ARHGEF10L: variants seen among roughly 807,000 people sequenced by gnomAD.
The protein encoded by ARHGEF10L is rho guanine nucleotide exchange factor 10-like protein.
Under a neutral mutation model 141.2 loss-of-function variants are expected in ARHGEF10L, and 69 were observed. The observed-to-expected ratio is 0.49, with a 90% confidence interval of 0.40 to 0.60. The LOEUF (loss-of-function observed/expected upper bound fraction) is 0.60, where lower values mean the gene tolerates loss of function less well. Ranked by LOEUF, ARHGEF10L falls within the 20% of genes least tolerant of loss-of-function variation. The probability of loss-of-function intolerance (pLI) is 0.00; values close to 1 mark genes in which losing one functional copy is unlikely to be tolerated. For missense variants in ARHGEF10L, 1,482 were observed against 1,734.3 expected, an observed-to-expected ratio of 0.85 and a Z score of 2.58; for synonymous variants, 711 against 718.5, an observed-to-expected ratio of 0.99 and a Z score of 0.17.
chr1:17,622,920 G>T, intron 11 of ARHGEF10L, 76 bp from the exon 12 acceptor site: 5 of 1,491,392 alleles, frequency 3.4e-6, no homozygotes, highest in Non-Finnish European at 3.6e-6. Context: ...TTCATGGCTG[G>T]CCGAGTTCTG....
chr1:17,638,480 GCTGTGATTC>G, intron 19 of ARHGEF10L, 73 bp from the exon 20 acceptor site: 1 of 1,576,600 alleles, frequency 6.3e-7, no homozygotes, highest in Non-Finnish European at 8.7e-7. Context: ...CCTCTGGGGT[GCTGTGATTC>G]CTATAGGATC....
At chr1:17,528,752 G>A in the ARHGEF10L span, among the ~76,000 whole-genome samples, 2 of 152,316 alleles carry the variant, frequency 1.3e-5, no homozygotes, top group East Asian at 3.9e-4. Context: ...TAATAGTATA[G>A]CAGGGGTAAC....
the ARHGEF10L span, among the ~76,000 whole-genome samples, chr1:17,513,870 A>G: frequency 2.0e-5 from 3 of 151,904 alleles, no homozygotes; most frequent in Non-Finnish European, 4.4e-5. Flanking sequence ...GTGCAATGAC[A>G]CAATCTTGGC....
In ARHGEF10L at chr1:17,558,312, C is replaced by T. The variant is rs1244117092; in HGVS notation, c.-44+18362C>T. On this transcript the variant is annotated intron_variant, in intron 1 of 28. Transcript: ENST00000361221. This position sits in a 1 kb window ranked among gnomAD's most constrained non-coding sequence, Gnocchi z 4.2. ...GCCCATTTATTCACCCACTCATCCA[C>T]CCATCATCTCTTGAATCTCTTCGGC... Among the ~76,000 whole-genome samples, 1 of 152,216 alleles carries T rather than the reference C, an allele frequency of 6.6e-6. No homozygotes were observed. Among genetic ancestry groups the T allele is most frequent in the Admixed American group, 6.5e-5 (1 of 15,276 alleles).
chr1:17,556,299 G>GGGCCTGGGAGCAC (rs2100777803), intron 1 of ARHGEF10L, among the ~76,000 whole-genome samples: 1 of 130,710 alleles, frequency 7.7e-6, no homozygotes, highest in African/African-American at 2.9e-5. Flanking sequence ...AGCACAGGGC[G>GGGCCTGGGAGCAC]GGCCTGGGAG....
At chr1:17,590,664 CTG>C (rs1382757479) in intron 4 of ARHGEF10L, among the ~76,000 whole-genome samples, 1 of 152,098 alleles carries the variant, frequency 6.6e-6, no homozygotes, top group Non-Finnish European at 1.5e-5. Context: ...CAAGGAGGGT[CTG>C]TGTTCCATGG....
In ARHGEF10L at chr1:17,656,844, C is replaced by A. The variant is rs1347973237; in HGVS notation, c.2860+136C>A. On this transcript the variant is annotated intron_variant, in intron 25 of 28. Coordinates refer to ENST00000361221, the MANE Select transcript of ARHGEF10L (RefSeq NM_018125.4). The surrounding 1 kb of genome is among the most constrained non-coding windows in gnomAD (Gnocchi z 4.9). ...CTCAGTGCTGAGGGCATTTGGAGAT[C>A]CGTGAGCCCCGCTGGGGTTCAATGG... 2.6e-6 allele frequency: 3 copies of A among 1,132,922 alleles called. No homozygotes were observed. The highest frequency in any genetic ancestry group is 2.6e-5 in the East Asian group (1 of 38,278). The allele number at this position is 1,132,922 out of a possible 1,614,324, so 70.2% of individuals were successfully genotyped here. A position where few individuals can be genotyped will look rare whatever the true frequency, so the allele number is the denominator to read the frequency against.
At chr1:17,532,436 G>A in the ARHGEF10L span, among the ~76,000 whole-genome samples, 37 of 152,284 alleles carry the variant, frequency 2.4e-4, no homozygotes, top group South Asian at 3.1e-3. Context: ...GTTATCCCTA[G>A]AGGAGGCTGC....
At position 17,638,575 on chromosome 1, in the gene ARHGEF10L, C is replaced by G; in HGVS notation, c.2057C>G (p.Thr686Ser). 1 of 1,614,206 alleles carries G rather than the reference C, an allele frequency of 6.2e-7. No individual in the cohort carries two copies. Among genetic ancestry groups the G allele is most frequent in the South Asian group, 1.1e-5 (1 of 91,090 alleles). Residue 686 changes from threonine to serine, a missense_variant, in exon 20 of 29, where the codon ACT becomes AGT. Physicochemically the swap from Thr to Ser is moderately conservative, Grantham distance 58 (BLOSUM62 1). Around this residue, in one of 3 missense-constraint regions of ARHGEF10L, gnomAD observed 858 missense variants for 966.3 expected, o/e 0.89. Coordinates refer to ENST00000361221, the MANE Select transcript of ARHGEF10L (RefSeq NM_018125.4). ...CCTGAACCCTAGAACCTGAACATGACTGTGGCTCAAGACTGGTGCCTGGCC... is the reference window on the plus strand; with the variant it reads ...CCTGAACCCTAGAACCTGAACATGAGTGTGGCTCAAGACTGGTGCCTGGCC... ...LHGTYQNLNM[T>S]VAQDWCLALQ... is the part of the protein sequence containing the mutation.
rs181800976 is a variant in ARHGEF10L at position 17,678,904 on chromosome 1, G to A, written c.3010-8669G>A. Among the ~76,000 whole-genome samples the A allele has an allele frequency of 3.9e-5, 6 of 152,228 alleles. No individual in the cohort carries two copies. The East Asian group carries it at 7.7e-4, about 20-fold the overall frequency. On this transcript the variant is annotated intron_variant, in intron 26 of 28. Transcript: ENST00000361221. ...TACTGTAGGAATTGTTAACTTTTTCGGAGGTAGGCAAGGGTGATTTATAGA... is the reference window on the plus strand; with the variant it reads ...TACTGTAGGAATTGTTAACTTTTTCAGAGGTAGGCAAGGGTGATTTATAGA...
At chr1:17,597,579 C>T (rs867920089) in intron 4 of ARHGEF10L, among the ~76,000 whole-genome samples, 2 of 152,330 alleles carry the variant, frequency 1.3e-5, no homozygotes, top group East Asian at 1.9e-4. Context: ...CCCATCTCAT[C>T]GGCCCGAGGA....
At chr1:17,652,302 C>T (rs1460937189) in intron 22 of ARHGEF10L, among the ~76,000 whole-genome samples, 1 of 152,162 alleles carries the variant, frequency 6.6e-6, no homozygotes, top group Non-Finnish European at 1.5e-5. Context: ...CGCTGGGCCA[C>T]ACCAAGGCCT....
chr1:17,689,196 G>A (rs2064863011), intron 27 of ARHGEF10L, among the ~76,000 whole-genome samples: 1 of 152,054 alleles, frequency 6.6e-6, no homozygotes, highest in Non-Finnish European at 1.5e-5. Flanking sequence ...GAGAAAGAGA[G>A]TTGGCTTGAG....
intron 1 of ARHGEF10L, among the ~76,000 whole-genome samples, chr1:17,557,022 A>G (rs1270909416): frequency 6.8e-6 from 1 of 146,960 alleles, no homozygotes; most frequent in Non-Finnish European, 1.5e-5. Context: ...ACATAGCAAG[A>G]CTCCATCTCT....
intron 1 of ARHGEF10L, among the ~76,000 whole-genome samples, chr1:17,567,400 T>C (rs543720151): frequency 3.3e-5 from 5 of 152,310 alleles, no homozygotes; most frequent in Admixed American, 3.3e-4. Context: ...GTAGTCTCAC[T>C]CTGTCGCCCA....
intron 1 of ARHGEF10L, among the ~76,000 whole-genome samples, chr1:17,554,583 CTTTTTTTTTT>C (rs970778480): frequency 2.5e-5 from 3 of 122,316 alleles, no homozygotes; most frequent in South Asian, 2.5e-4. Context: ...TCCTTCCTTC[CTTTTTTTTTT>C]TTTTTTTTTT....
rs575218661 is a variant in ARHGEF10L at position 17,612,928 on chromosome 1, G to A, written c.610-130G>A. 67 of 652,404 alleles carry A rather than the reference G, an allele frequency of 1.0e-4. No individual in the cohort carries two copies. In the Admixed American group the frequency reaches 1.3e-3, roughly 12 times the overall value. The allele number at this position is 652,404 out of a possible 1,614,324, so 40.4% of individuals were successfully genotyped here. On this transcript the variant is annotated intron_variant, in intron 7 of 28. Transcript: ENST00000361221. ...CCTGGGACCTGGGGTGCCGCATCCC[G>A]CCTGCCCGAGCTGTCCGTCCGCACT...
At position 17,635,111 on chromosome 1, in the gene ARHGEF10L, G is replaced by A. The variant is rs545493679; in HGVS notation, c.1927+95G>A. The A allele has an allele frequency of 2.7e-6, 4 of 1,495,680 alleles. No individual in the cohort carries two copies. The African/African-American group carries it at 4.2e-5, about 16-fold the overall frequency. 92.7% of individuals were successfully genotyped at this position (1,495,680 alleles called of 1,614,324 possible). ...TACCCAGGCTTGGCCCTGTCTTGGGGACCCCTACATAGGCTGATGGGTGGC... is the reference window on the plus strand; with the variant it reads ...TACCCAGGCTTGGCCCTGTCTTGGGAACCCCTACATAGGCTGATGGGTGGC... On this transcript the variant is annotated intron_variant, in intron 18 of 28. Coordinates refer to ENST00000361221, the MANE Select transcript of ARHGEF10L (RefSeq NM_018125.4).
chr1:17,550,817 C>T (rs1022854139), intron 1 of ARHGEF10L, among the ~76,000 whole-genome samples: 6 of 151,818 alleles, frequency 4.0e-5, no homozygotes, highest in African/African-American at 1.5e-4. Flanking sequence ...GCTCTGGGAG[C>T]TCTTATATTT....
Sources: gnomAD v4.1 joint callset for allele counts (sites outside exome capture counted in the v4.1 genomes callset) on GRCh38, gnomAD v4.1.1 for gene constraint, gnomAD v4.1.1 regional missense constraint, Gnocchi (gnomAD v3.1) non-coding constraint, MANE v1.5 for transcripts, NCBI Gene and HGNC (gene_info 2026-07-23, HGNC 2026-07-21) for gene names.